HTR3A: variants seen among roughly 807,000 people sequenced by gnomAD.
HTR3A encodes the protein 5-hydroxytryptamine (serotonin) receptor 3A, ionotropic.
A neutral mutation model predicts 54.8 loss-of-function variants in HTR3A; 45 were observed. The observed-to-expected ratio is 0.82, with a 90% CI of 0.65 to 1.05. HTR3A has a LOEUF of 1.05. Ranked by LOEUF, HTR3A falls within the 50% of genes least tolerant of loss-of-function variation. The pLI is 0.00. For missense variants in HTR3A, 657 were observed against 614.0 expected (o/e 1.07, Z -0.74); for synonymous variants, 297 against 256.0 (o/e 1.16, Z -1.53).
intron 1 of HTR3A, among the ~76,000 whole-genome samples, chr11:113,976,314 G>T (rs962428622): frequency 6.6e-6 from 1 of 152,046 alleles, no homozygotes; most frequent in South Asian, 2.1e-4. Context: ...CCTTTGCCCC[G>T]GGCCTGCTGG....
chr11:113,979,366 A>G lies in HTR3A; in HGVS notation c.264+89A>G. On this transcript the variant is annotated intron_variant, in intron 3 of 8. Coordinates refer to ENST00000504030, the MANE Select transcript of HTR3A (RefSeq NM_000869.6). Reference sequence around the variant, plus strand: ...GGAGTTTCAGTGGCCTTGGCGAGGGAAGGTGAGCGGAGAGGCTGAGGGGCA... The same window carrying G: ...GGAGTTTCAGTGGCCTTGGCGAGGGGAGGTGAGCGGAGAGGCTGAGGGGCA... 3 of 1,033,328 alleles carry G rather than the reference A, an allele frequency of 2.9e-6. No individual in the cohort carries two copies. The South Asian group carries it at 3.8e-5, about 13-fold the overall frequency. The allele number at this position is 1,033,328 out of a possible 1,614,324, so 64.0% of individuals were successfully genotyped here.
chr11:113,986,895 G>A lies in HTR3A; in HGVS notation c.987G>A (p.Leu329=). Residue 329 remains leucine (L), a synonymous_variant, in exon 8 of 9, where the codon CTG becomes CTA. Coordinates refer to ENST00000504030, the MANE Select transcript of HTR3A (RefSeq NM_000869.6). The part of the protein sequence containing the change: ...SLAETIFIVR[L]VHKQDLQQPV... ...CCGAGACCATCTTCATTGTGCGGCT[G>A]GTGCACAAGCAAGACCTGCAGCAGC... 1 of 1,614,158 alleles carries A rather than the reference G, an allele frequency of 6.2e-7. No homozygotes were observed. The highest frequency in any genetic ancestry group is 8.5e-7 in the Non-Finnish European group (1 of 1,180,024).
Position 113,986,652 on chromosome 11 carries a change from C to T in HTR3A, c.840C>T (p.Leu280=). 1 of 1,614,176 alleles carries T rather than the reference C, an allele frequency of 6.2e-7. No homozygotes were observed. The highest frequency in any genetic ancestry group is 8.5e-7 in the Non-Finnish European group (1 of 1,180,046). ...AGAGGGTCTCTTTCAAGATTACACT[C>T]CTCCTGGGCTACTCGGTCTTCCTGA... ...SGERVSFKIT[L]LLGYSVFLII... Residue 280 remains leucine, a synonymous_variant, in exon 7 of 9, where the codon CTC becomes CTT. Coordinates refer to ENST00000504030, the MANE Select transcript of HTR3A (RefSeq NM_000869.6).
At chr11:113,979,169 G>A (rs1442645694) in intron 2 of HTR3A, 64 bp from the exon 3 acceptor site, 4 of 1,233,916 alleles carry the variant, frequency 3.2e-6, no homozygotes, top group Non-Finnish European at 4.8e-6. Context: ...TTTAGGGGCT[G>A]GCATGTGCAG....
intron 1 of HTR3A, 38 bp from the exon 2 acceptor site, chr11:113,977,733 G>C (rs762862210): frequency 1.8e-5 from 29 of 1,608,770 alleles, no homozygotes; most frequent in African/African-American, 2.7e-5. Context: ...GGAAGTCTTG[G>C]GGGGCTGGTG....
At chr11:113,978,558 A>C (rs1229422448) in intron 2 of HTR3A, among the ~76,000 whole-genome samples, 1 of 152,184 alleles carries the variant, frequency 6.6e-6, no homozygotes, top group Non-Finnish European at 1.5e-5. Context: ...TTTAGTAGAG[A>C]CAGGGTTTTT....
intron 8 of HTR3A, among the ~76,000 whole-genome samples, chr11:113,987,706 T>C (rs899168863): frequency 9.2e-5 from 14 of 152,166 alleles, no homozygotes; most frequent in African/African-American, 3.4e-4. Flanking sequence ...GCATCCCACC[T>C]GGAGATAGAG....
chr11:113,989,129 G>A lies in HTR3A; in HGVS notation c.1139-336G>A, dbSNP rs1436321151. 6.6e-6 allele frequency among the ~76,000 whole-genome samples: 1 copy of A among 151,546 alleles called. No homozygotes were observed. The highest frequency in any genetic ancestry group is 1.5e-5 in the Non-Finnish European group (1 of 67,950). ...AATCCCAGCACCACGGGAGGCCAAA[G>A]TAGGCGGATCACTTGAGGTCAAGAG... is the stretch of plus-strand genomic sequence containing the variant. On this transcript the variant is annotated intron_variant, in intron 8 of 8. Coordinates refer to ENST00000504030, the MANE Select transcript of HTR3A (RefSeq NM_000869.6). The surrounding 1 kb of genome is among the most constrained non-coding windows in gnomAD (Gnocchi z 4.4).
intron 5 of HTR3A, among the ~76,000 whole-genome samples, chr11:113,985,268 C>T (rs2137581899): frequency 6.6e-6 from 1 of 152,194 alleles, no homozygotes; most frequent in East Asian, 1.9e-4. Context: ...CTACTTGATT[C>T]TTTTTACCCA....
chr11:113,985,916 A>G, intron 5 of HTR3A, 99 bp from the exon 6 acceptor site: 9 of 1,288,096 alleles, frequency 7.0e-6, no homozygotes, highest in Non-Finnish European at 1.0e-5. Context: ...ATCGGATATC[A>G]GCTCCCCTTA....
intron 4 of HTR3A, among the ~76,000 whole-genome samples, 162 bp downstream of exon 4, chr11:113,981,474 C>G (rs1950421372): frequency 6.6e-6 from 1 of 152,120 alleles, no homozygotes; most frequent in South Asian, 2.1e-4. Flanking sequence ...TGTCTTCCCC[C>G]CCGACCTTTT....
intron 5 of HTR3A, 38 bp from the exon 6 acceptor site, chr11:113,985,977 A>G: frequency 6.2e-7 from 1 of 1,610,828 alleles, no homozygotes; most frequent in Non-Finnish European, 8.5e-7. Context: ...GGCTCTGGGT[A>G]CTAGATTCCA....
chr11:113,979,088 ACTTT>A, intron 2 of HTR3A, 141 bp from the exon 3 acceptor site: 3 of 710,724 alleles, frequency 4.2e-6, no homozygotes. Flanking sequence ...CAGTCTATCT[ACTTT>A]CCCGACCCCG....
Position 113,986,735 on chromosome 11 carries a change from C to T in HTR3A, c.916+7C>T, listed in dbSNP as rs1172916573. 1.9e-6 allele frequency: 3 copies of T among 1,614,090 alleles called. No individual in the cohort carries two copies. The highest frequency in any genetic ancestry group is 2.7e-5 in the African/African-American group (2 of 74,936). On this transcript the variant is annotated splice_region_variant and intron_variant, in intron 7 of 8. Transcript: ENST00000504030. ...ATCGGCACTCCTCTCATTGGTAAGGCCCCTCCTGGCAGCAGAGCTCAGTCT... is the reference window on the plus strand; with the variant it reads ...ATCGGCACTCCTCTCATTGGTAAGGTCCCTCCTGGCAGCAGAGCTCAGTCT...
At position 113,977,835 on chromosome 11, in the gene HTR3A, C is replaced by T; in HGVS notation, c.132C>T (p.Asn44=). 1.9e-6 allele frequency: 3 copies of T among 1,614,182 alleles called. No homozygotes were observed. The highest frequency in any genetic ancestry group is 1.1e-5 in the South Asian group (1 of 91,086). Residue 44 remains asparagine (N), a synonymous_variant, in exon 2 of 9, where the codon AAC becomes AAT. Transcript: ENST00000504030. ...LLRLSDYLLT[N]YRKGVRPVRD... The stretch of plus-strand genomic sequence containing the variant: ...GGCTGTCGGATTACCTTTTGACCAA[C>T]TACAGGAAGGGTGTGCGCCCCGTGA...
rs1381122971 is a variant in HTR3A at position 113,975,231 on chromosome 11, G to C, written c.-95G>C. ...AGCAGTGGCCACGAGAGGCAGGCTGGCTGGGACATGAGGTTGGCAGAGGGC... is the reference window on the plus strand; with the variant it reads ...AGCAGTGGCCACGAGAGGCAGGCTGCCTGGGACATGAGGTTGGCAGAGGGC... On this transcript the variant is annotated 5_prime_UTR_variant, in exon 1 of 9. Transcript: ENST00000504030. 4 of 1,210,624 alleles carry C rather than the reference G, an allele frequency of 3.3e-6. 1 individual carries two copies. In the South Asian group the frequency reaches 5.0e-5, roughly 15 times the overall value. 75.0% of individuals were successfully genotyped at this position (1,210,624 alleles called of 1,614,324 possible).
rs1419538268 is a variant in HTR3A at position 113,976,288 on chromosome 11, C to T, written c.67+896C>T. ...TTCCTTGACTGAGAAGAAACTCTGT[C>T]CCTCCTAGCAATGGTCCTTTGCCCC... On this transcript the variant is annotated intron_variant, in intron 1 of 8. Transcript: ENST00000504030. Among the ~76,000 whole-genome samples, 3 of 152,050 alleles carry T rather than the reference C, an allele frequency of 2.0e-5. No individual in the cohort carries two copies. In the South Asian group the frequency reaches 6.2e-4, roughly 32 times the overall value.
intron 8 of HTR3A, among the ~76,000 whole-genome samples, chr11:113,988,732 C>G (rs758986231): frequency 1.3e-5 from 2 of 152,100 alleles, no homozygotes; most frequent in African/African-American, 4.8e-5. Flanking sequence ...CCACTGCACT[C>G]TAGCCTGGGC....
Position 113,986,182 on chromosome 11 carries a change from G to A in HTR3A, c.705+7G>A. 6.2e-7 allele frequency: 1 copy of A among 1,614,124 alleles called. No homozygotes were observed. The highest frequency in any genetic ancestry group is 8.5e-7 in the Non-Finnish European group (1 of 1,179,996). The stretch of plus-strand genomic sequence containing the variant: ...TGCAGAAATGAAGTTCTATGTGAGT[G>A]GGAGTGAATGTGGGTAAAATGGTGA... On this transcript the variant is annotated splice_region_variant and intron_variant, in intron 6 of 8. Coordinates refer to ENST00000504030, the MANE Select transcript of HTR3A (RefSeq NM_000869.6).
Sources: allele counts gnomAD v4.1 joint callset (sites outside exome capture counted in the v4.1 genomes callset), GRCh38; gene constraint gnomAD v4.1.1; non-coding constraint Gnocchi (gnomAD v3.1); transcripts MANE v1.5; gene names NCBI Gene and HGNC (gene_info 2026-07-23, HGNC 2026-07-21).